The following LRRC36 variants were observed in gnomAD, a reference collection of about 807,000 sequenced individuals.
LRRC36 encodes leucine-rich repeat-containing protein 36.
LRRC36 carries 62 observed loss-of-function variants against 81.1 expected under a neutral mutation model. The ratio of observed to expected loss-of-function variants is 0.76; its 90% CI spans 0.62 to 0.94. LRRC36 has a LOEUF of 0.94. Among genes scored for constraint, LRRC36 ranks in the 40% least tolerant of loss-of-function variants. The probability of loss-of-function intolerance (pLI) is 0.00; values close to 1 mark genes in which losing one functional copy is unlikely to be tolerated. For synonymous variants in LRRC36, 334 were observed against 348.6 expected, an observed-to-expected ratio of 0.96 and a Z score of 0.47; for missense variants, 761 against 881.7, an observed-to-expected ratio of 0.86 and a Z score of 1.73.
chr16:67,340,504 A>C (rs2037980762), intron 1 of LRRC36, among the ~76,000 whole-genome samples: 2 of 151,736 alleles, frequency 1.3e-5, no homozygotes, highest in East Asian at 1.9e-4. Context: ...AAAATACAAA[A>C]AATTAGCCGG....
chr16:67,382,994 T>A (rs375250913), intron 13 of LRRC36, among the ~76,000 whole-genome samples: 40 of 149,514 alleles, frequency 2.7e-4, no homozygotes, highest in African/African-American at 9.1e-4. Flanking sequence ...GATCACTTGA[T>A]CTTGGGAGGC....
chr16:67,327,779 T>A (rs2037265854), intron 1 of LRRC36, among the ~76,000 whole-genome samples: 1 of 152,158 alleles, frequency 6.6e-6, no homozygotes, highest in Non-Finnish European at 1.5e-5. Context: ...ATGTGGTATC[T>A]TGGAATTTGA....
At chr16:67,346,587 G>C in intron 3 of LRRC36, 139 bp downstream of exon 3, 1 of 447,124 alleles carries the variant, frequency 2.2e-6, no homozygotes, top group Non-Finnish European at 3.9e-6. Context: ...ACTCTTTTGT[G>C]TTGGCAGGAT....
chr16:67,383,582 G>A (rs906307646), intron 13 of LRRC36, among the ~76,000 whole-genome samples: 1 of 152,116 alleles, frequency 6.6e-6, no homozygotes, highest in Non-Finnish European at 1.5e-5. Context: ...AAAACATTAG[G>A]ATATATTGCT....
At chr16:67,343,226 C>A (rs1380319419) in intron 2 of LRRC36, among the ~76,000 whole-genome samples, 1 of 152,014 alleles carries the variant, frequency 6.6e-6, no homozygotes, top group Non-Finnish European at 1.5e-5. Context: ...TTTATACTTC[C>A]TTTCTTTCAC....
Position 67,363,693 on chromosome 16 carries a change from C to CA in LRRC36, c.682dup (p.Thr228AsnfsTer19). The CA allele has an allele frequency of 1.2e-6, 2 of 1,613,878 alleles. No homozygotes were observed. Among genetic ancestry groups the CA allele is most frequent in the Non-Finnish European group, 1.7e-6 (2 of 1,179,804 alleles). ...ATGGTACACGTGATCAGAAATTAGA[C>CA]ACCTTCCCACTGGGGACACAGGTAA... On this transcript the variant is annotated frameshift_variant, in exon 6 of 14. Transcript: ENST00000329956. LOFTEE classifies it high-confidence loss of function.
In LRRC36 at chr16:67,338,865, ATTTTTTTTTTTTTTT is replaced by A. The variant is rs71145967; in HGVS notation, c.71-3060_71-3046del. Among the ~76,000 whole-genome samples the A allele has an allele frequency of 3.5e-3, 159 of 45,366 alleles. 6 individuals carry two copies. Among genetic ancestry groups the A allele is most frequent in the African/African-American group, 0.01 (127 of 12,308 alleles). 29.8% of individuals were successfully genotyped at this position (45,366 alleles called of 152,430 possible). ...TTTCTAATTTCTGCTTGGAAGCTGA[ATTTTTTTTTTTTTTT>A]TTTTTTTTTTTTTTTTTTTTTTTTT... On this transcript the variant is annotated intron_variant, in intron 1 of 13. Coordinates refer to ENST00000329956, the MANE Select transcript of LRRC36 (RefSeq NM_018296.6).
At chr16:67,380,352 C>G (rs575213127) in intron 12 of LRRC36, among the ~76,000 whole-genome samples, 1 of 152,136 alleles carries the variant, frequency 6.6e-6, no homozygotes, top group Admixed American at 6.6e-5. Context: ...CTTTCACTCC[C>G]CTCTGCCAAC....
chr16:67,350,157 C>CTT lies in LRRC36; in HGVS notation c.489-32_489-31dup, dbSNP rs35595978. 19,477 of 1,131,662 alleles carry CTT rather than the reference C, an allele frequency of 0.017. 1,827 individuals are homozygous for CTT. The African/African-American group carries it at 0.26, about 15-fold the overall frequency. The allele number at this position is 1,131,662 out of a possible 1,614,324, so 70.1% of individuals were successfully genotyped here. ...AGCATTTACTGGTGATCTCAGAAGC[C>CTT]TTTTTTTTTTTTTTGAGTTGTAAAT... On this transcript the variant is annotated intron_variant, in intron 4 of 13. Coordinates refer to ENST00000329956, the MANE Select transcript of LRRC36 (RefSeq NM_018296.6).
chr16:67,332,221 A>T lies in LRRC36; in HGVS notation c.70+5289A>T, dbSNP rs543274617. On this transcript the variant is annotated intron_variant, in intron 1 of 13. Transcript: ENST00000329956. The stretch of plus-strand genomic sequence containing the variant: ...TTTATTCTTGGCATCTATGCTGTGC[A>T]GTGTTTGATTTGTTCTCTGATTTGT... Among the ~76,000 whole-genome samples the T allele has an allele frequency of 5.0e-4, 76 of 152,240 alleles. No homozygotes were observed. In the South Asian group the frequency reaches 0.011, roughly 22 times the overall value.
intron 4 of LRRC36, among the ~76,000 whole-genome samples, chr16:67,348,882 C>A (rs2038483473): frequency 6.6e-6 from 1 of 152,144 alleles, no homozygotes; most frequent in Non-Finnish European, 1.5e-5. Flanking sequence ...GCCTGAGATC[C>A]TTCCCTTTCC....
At position 67,341,939 on chromosome 16, in the gene LRRC36, C is replaced by T; in HGVS notation, c.71-18C>T. 2 of 1,598,604 alleles carry T rather than the reference C, an allele frequency of 1.3e-6. No individual in the cohort carries two copies. The highest frequency in any genetic ancestry group is 1.7e-6 in the Non-Finnish European group (2 of 1,171,116). ...CCGAGCAGGGATCATAATATATCTA[C>T]TGATGATCTCTTTTCAGAACTGGTG... On this transcript the variant is annotated intron_variant, in intron 1 of 13. Coordinates refer to ENST00000329956, the MANE Select transcript of LRRC36 (RefSeq NM_018296.6).
Position 67,382,266 on chromosome 16 carries a change from A to G in LRRC36, c.2045+19A>G. 6.4e-7 allele frequency: 1 copy of G among 1,561,302 alleles called. No homozygotes were observed. Among genetic ancestry groups the G allele is most frequent in the African/African-American group, 1.4e-5 (1 of 73,690 alleles). ...GTCAGAGGTAGGAGAGGGTCTATCT[A>G]GCTTGCTTCTAGAAGCAGATATTTA... On this transcript the variant is annotated intron_variant, in intron 13 of 13. Transcript: ENST00000329956.
intron 1 of LRRC36, among the ~76,000 whole-genome samples, chr16:67,334,846 G>A (rs1330606649): frequency 6.6e-6 from 1 of 152,060 alleles, no homozygotes. Context: ...GGGTGTCTGG[G>A]GGAGACATCA....
chr16:67,349,873 G>A (rs187398330), intron 4 of LRRC36, among the ~76,000 whole-genome samples: 1 of 151,992 alleles, frequency 6.6e-6, no homozygotes, highest in African/African-American at 2.4e-5. Flanking sequence ...TGATTCTCCT[G>A]CCTCAGCCTT....
At chr16:67,340,585 G>A (rs2037985370) in intron 1 of LRRC36, among the ~76,000 whole-genome samples, 1 of 152,122 alleles carries the variant, frequency 6.6e-6, no homozygotes, top group East Asian at 1.9e-4. Flanking sequence ...GAACTTGGGA[G>A]GTGGAGGTTG....
chr16:67,366,876 C>T (rs2039420211), intron 7 of LRRC36, 141 bp from the exon 8 acceptor site: 1 of 643,122 alleles, frequency 1.6e-6, no homozygotes, highest in Non-Finnish European at 2.7e-6. Context: ...CTTTATGCTA[C>T]CATTGATCAG....
intron 5 of LRRC36, among the ~76,000 whole-genome samples, chr16:67,360,049 C>G (rs1004863333): frequency 6.6e-6 from 1 of 151,368 alleles, no homozygotes; most frequent in African/African-American, 2.4e-5. Flanking sequence ...TGCTTGAAGC[C>G]GGGAGGCGGA....
intron 5 of LRRC36, among the ~76,000 whole-genome samples, chr16:67,357,541 A>G (rs1455622424): frequency 6.6e-6 from 1 of 152,220 alleles, no homozygotes; most frequent in Non-Finnish European, 1.5e-5. Context: ...AGGGTTAAGC[A>G]GAGAGAGAGC....
Sources: gnomAD v4.1 joint callset for allele counts (sites outside exome capture counted in the v4.1 genomes callset) on GRCh38, gnomAD v4.1.1 for gene constraint, MANE v1.5 for transcripts, NCBI Gene and HGNC (gene_info 2026-07-23, HGNC 2026-07-21) for gene names.